The following CDH18 variants were observed in gnomAD, a reference collection of about 807,000 sequenced individuals.
CDH18 encodes cadherin-18.
In CDH18, 31 loss-of-function variants were observed where a neutral mutation model predicts 67.9. The observed-to-expected ratio is 0.46, with a 90% CI of 0.34 to 0.62. The LOEUF is 0.62. CDH18 is among the 20% of genes least tolerant of loss of function. The pLI is 0.01. For missense variants in CDH18, 890 were observed against 975.5 expected, an observed-to-expected ratio of 0.91 and a Z score of 1.17; for synonymous variants, 362 against 347.2, an observed-to-expected ratio of 1.04 and a Z score of -0.48.
chr5:19,779,197 G>A (rs947512100), intron 3 of CDH18, among the ~76,000 whole-genome samples: 6 of 152,102 alleles, frequency 3.9e-5, no homozygotes, highest in Non-Finnish European at 2.9e-5. Context: ...GTTAATAGCA[G>A]ACAGAGACTC....
chr5:20,133,709 T>G (rs1749463099), intron 2 of CDH18, among the ~76,000 whole-genome samples: 2 of 152,076 alleles, frequency 1.3e-5, no homozygotes, highest in African/African-American at 4.8e-5. Context: ...TAATATAAAG[T>G]GCCCCCTAAC....
intron 2 of CDH18, among the ~76,000 whole-genome samples, chr5:20,038,692 C>A (rs750448745): frequency 1.3e-5 from 2 of 152,028 alleles, no homozygotes; most frequent in Non-Finnish European, 2.9e-5. Context: ...TGAAATGTAT[C>A]TCAAAATAAT....
intron 1 of CDH18, among the ~76,000 whole-genome samples, chr5:20,499,400 A>G (rs1754108876): frequency 6.6e-6 from 1 of 151,640 alleles, no homozygotes; most frequent in South Asian, 2.1e-4. Flanking sequence ...GTTATTTTTT[A>G]TTCTTTTCTA....
chr5:20,106,980 T>G (rs1338895204), intron 2 of CDH18, among the ~76,000 whole-genome samples: 2 of 152,230 alleles, frequency 1.3e-5, no homozygotes, highest in Non-Finnish European at 2.9e-5. Flanking sequence ...TTGTTTGTAT[T>G]AATTTATTTG....
intron 2 of CDH18, among the ~76,000 whole-genome samples, chr5:20,183,055 G>T (rs1580425304): frequency 6.6e-6 from 1 of 151,996 alleles, no homozygotes; most frequent in Non-Finnish European, 1.5e-5. Context: ...TCATCAGTAA[G>T]ATGAAGATAA....
At chr5:19,574,596 A>G (rs28541585) in intron 7 of CDH18, among the ~76,000 whole-genome samples, 2 of 152,156 alleles carry the variant, frequency 1.3e-5, no homozygotes, top group Admixed American at 1.3e-4. Flanking sequence ...ATTTGGTTTT[A>G]CCCAAAAAAA....
intron 3 of CDH18, among the ~76,000 whole-genome samples, chr5:19,813,229 T>C (rs1345616362): frequency 1.3e-5 from 2 of 152,046 alleles, no homozygotes; most frequent in African/African-American, 4.8e-5. Flanking sequence ...CAATGGCATG[T>C]GTATATTTAC....
At chr5:20,154,714 A>T (rs1366097877) in intron 2 of CDH18, among the ~76,000 whole-genome samples, 1 of 152,128 alleles carries the variant, frequency 6.6e-6, no homozygotes, top group Non-Finnish European at 1.5e-5. Flanking sequence ...TGCCAGAATG[A>T]TCTTGTTAAA....
In CDH18 at chr5:20,101,260, C is replaced by G. The variant is rs912177151; in HGVS notation, c.-517-109246G>C. Among the ~76,000 whole-genome samples, 6 of 152,198 alleles carry G rather than the reference C, an allele frequency of 3.9e-5. No homozygotes were observed. The East Asian group carries it at 1.2e-3, about 29-fold the overall frequency. The stretch of plus-strand genomic sequence containing the variant: ...TACAGGCATGAGCCACCACGCCTGG[C>G]CAAATCTAAGAAATATTTTGCAGAT... On this transcript the variant is annotated intron_variant, in intron 2 of 14. Transcript: ENST00000507958.
At chr5:20,532,354 T>C (rs1756456544) in intron 1 of CDH18, among the ~76,000 whole-genome samples, 2 of 152,170 alleles carry the variant, frequency 1.3e-5, no homozygotes, top group Non-Finnish European at 2.9e-5. Context: ...AAGTGTTTAC[T>C]TTGTTACAAA....
At chr5:20,299,400 A>C (rs1160755492) in intron 1 of CDH18, among the ~76,000 whole-genome samples, 3 of 117,010 alleles carry the variant, frequency 2.6e-5, no homozygotes, top group African/African-American at 9.1e-5. Flanking sequence ...CATCAACATT[A>C]GCTACACACA....
intron 1 of CDH18, among the ~76,000 whole-genome samples, chr5:20,535,227 G>T (rs569595190): frequency 1.3e-5 from 2 of 152,118 alleles, no homozygotes; most frequent in Non-Finnish European, 2.9e-5. Flanking sequence ...CTGAAGTGCC[G>T]ATTTGCTTGC....
intron 2 of CDH18, among the ~76,000 whole-genome samples, chr5:20,048,502 C>T (rs1313374795): frequency 2.0e-5 from 3 of 151,752 alleles, no homozygotes; most frequent in Non-Finnish European, 4.4e-5. Context: ...GATTTCAACA[C>T]AAGACAGCAG....
At chr5:19,766,536 AC>A in intron 3 of CDH18, among the ~76,000 whole-genome samples, 1 of 151,966 alleles carries the variant, frequency 6.6e-6, no homozygotes, top group Non-Finnish European at 1.5e-5. Flanking sequence ...CAGTCCATTC[AC>A]CCTGCTTGTC....
At chr5:19,535,244 G>A (rs954324379) in intron 9 of CDH18, among the ~76,000 whole-genome samples, 2 of 152,110 alleles carry the variant, frequency 1.3e-5, no homozygotes, top group African/African-American at 4.8e-5. Flanking sequence ...TTCCTGAAAA[G>A]CATTTTGTTT....
At chr5:19,760,697 G>A (rs1038156845) in intron 3 of CDH18, among the ~76,000 whole-genome samples, 2 of 152,114 alleles carry the variant, frequency 1.3e-5, no homozygotes, top group Non-Finnish European at 2.9e-5. Flanking sequence ...CTTTTCAAGT[G>A]TGGTGCATGT....
intron 2 of CDH18, among the ~76,000 whole-genome samples, chr5:20,041,917 T>C (rs1240093357): frequency 6.6e-6 from 1 of 152,244 alleles, no homozygotes; most frequent in East Asian, 1.9e-4. Flanking sequence ...CTGAAAATTA[T>C]AAACGTGTAA....
At chr5:19,499,454 T>C (rs1742872986) in intron 11 of CDH18, among the ~76,000 whole-genome samples, 1 of 152,088 alleles carries the variant, frequency 6.6e-6, no homozygotes, top group South Asian at 2.1e-4. Context: ...TCTGAACATA[T>C]ATATAGCTAC....
chr5:20,165,910 GAAC>G (rs1438585148), intron 2 of CDH18, among the ~76,000 whole-genome samples: 2 of 151,748 alleles, frequency 1.3e-5, no homozygotes, highest in African/African-American at 4.8e-5. Context: ...TACAATTTTT[GAAC>G]AACAGGAAGA....
Sources: gnomAD v4.1 joint callset for allele counts (sites outside exome capture counted in the v4.1 genomes callset) on GRCh38, gnomAD v4.1.1 for gene constraint, MANE v1.5 for transcripts, NCBI Gene and HGNC (gene_info 2026-07-23, HGNC 2026-07-21) for gene names.